Variants in KCMF1 observed in about 807,000 individuals in gnomAD.
KCMF1 encodes E3 ubiquitin-protein ligase KCMF1.
KCMF1 carries 3 observed loss-of-function variants against 41.1 expected under a neutral mutation model. The ratio of observed to expected loss-of-function variants is 0.07; its 90% confidence interval spans 0.03 to 0.19. The LOEUF (loss-of-function observed/expected upper bound fraction) is 0.19. Ranked by LOEUF, KCMF1 falls within the 10% of genes least tolerant of loss-of-function variation. The pLI is 1.00. For missense variants in KCMF1, 286 were observed against 488.9 expected (o/e 0.58, Z 3.91); for synonymous variants, 142 against 164.5 (o/e 0.86, Z 1.04).
chr2:85,003,717 G>A (rs923839407), intron 1 of KCMF1, among the ~76,000 whole-genome samples: 1 of 151,980 alleles, frequency 6.6e-6, no homozygotes, highest in Admixed American at 6.6e-5. Flanking sequence ...GATTACAGGC[G>A]TGAGCTACCA....
rs140279661 is a variant in KCMF1, at chr2:85,025,181, G to A, written c.17-2708G>A. Among the ~76,000 whole-genome samples, 380 of 152,116 alleles carry A rather than the reference G, an allele frequency of 2.5e-3. 3 individuals are homozygous for A. Among genetic ancestry groups the A allele is most frequent in the African/African-American group, 8.9e-3 (369 of 41,500 alleles). On this transcript the variant is annotated intron_variant, in intron 1 of 6. Coordinates refer to ENST00000409785, the MANE Select transcript of KCMF1 (RefSeq NM_020122.5). ...ATTGTATTGAATCCACAAATCTGTTGACATTTTATTATGAACCTTCCAGTC... is the reference window on the plus strand; with the variant it reads ...ATTGTATTGAATCCACAAATCTGTTAACATTTTATTATGAACCTTCCAGTC...
intron 1 of KCMF1, among the ~76,000 whole-genome samples, chr2:84,974,321 T>C (rs975465181): frequency 1.3e-5 from 2 of 152,136 alleles, no homozygotes; most frequent in East Asian, 3.9e-4. Context: ...GCAGGTAATA[T>C]GTTACTTTGT....
Position 85,053,663 on chromosome 2 carries a change from T to C in KCMF1, c.*254T>C. The C allele has an allele frequency of 2.6e-6, 1 of 382,584 alleles. No homozygotes were observed. The highest frequency in any genetic ancestry group is 4.7e-6 in the Non-Finnish European group (1 of 212,802). 23.7% of individuals were successfully genotyped at this position (382,584 alleles called of 1,614,324 possible). ...CTGTACCTTGACATGCAAAAGGCTCTCCTAATACTCCACATTCAAACTGAA... is the reference window on the plus strand; with the variant it reads ...CTGTACCTTGACATGCAAAAGGCTCCCCTAATACTCCACATTCAAACTGAA... On this transcript the variant is annotated 3_prime_UTR_variant, in exon 7 of 7. Coordinates refer to ENST00000409785, the MANE Select transcript of KCMF1 (RefSeq NM_020122.5).
chr2:85,005,848 A>T (rs1180908513), intron 1 of KCMF1, among the ~76,000 whole-genome samples: 1 of 152,136 alleles, frequency 6.6e-6, no homozygotes, highest in Non-Finnish European at 1.5e-5. Flanking sequence ...GTGTGTAATG[A>T]CCAGATCTGG....
chr2:85,015,064 A>G (rs998189392), intron 1 of KCMF1, among the ~76,000 whole-genome samples: 2 of 151,058 alleles, frequency 1.3e-5, no homozygotes, highest in Admixed American at 1.3e-4. Flanking sequence ...TCTTCTGTCA[A>G]GAAGTCTTAT....
chr2:85,045,945 G>A (rs1377949745), intron 4 of KCMF1, among the ~76,000 whole-genome samples, 159 bp from the exon 5 acceptor site: 3 of 152,058 alleles, frequency 2.0e-5, no homozygotes, highest in African/African-American at 7.3e-5. Flanking sequence ...AGGGTTAATA[G>A]CCCTCATAGA....
At chr2:85,045,677 AATCT>A (rs1675647509) in intron 4 of KCMF1, among the ~76,000 whole-genome samples, 1 of 152,182 alleles carries the variant, frequency 6.6e-6, no homozygotes, top group African/African-American at 2.4e-5. Flanking sequence ...ATGTCATGTT[AATCT>A]ATCTGTGTGT....
intron 1 of KCMF1, among the ~76,000 whole-genome samples, chr2:84,995,037 T>G (rs1559128599): frequency 6.6e-6 from 1 of 152,082 alleles, no homozygotes; most frequent in Admixed American, 6.6e-5. Flanking sequence ...ATTTTTTTTT[T>G]TTGAGATGGA....
chr2:85,029,327 A>G lies in KCMF1; in HGVS notation c.184+1271A>G, dbSNP rs575256777. ...CTGGTTATGGTGGCTAACGCCTGTA[A>G]TCCCAGCCCTTTGGGAGGCTTAAGA... On this transcript the variant is annotated intron_variant, in intron 2 of 6. Coordinates refer to ENST00000409785, the MANE Select transcript of KCMF1 (RefSeq NM_020122.5). Among the ~76,000 whole-genome samples, 5 of 152,146 alleles carry G rather than the reference A, an allele frequency of 3.3e-5. No homozygotes were observed. In the South Asian group the frequency reaches 1.0e-3, roughly 32 times the overall value.
intron 1 of KCMF1, among the ~76,000 whole-genome samples, chr2:85,008,318 TATCA>T (rs1674541406): frequency 4.4e-5 from 3 of 67,862 alleles, no homozygotes; most frequent in Admixed American, 2.7e-4. Context: ...ATGATATATA[TATCA>T]TATATAATAT....
In KCMF1 at chr2:85,007,363, C is replaced by T. The variant is rs575691050; in HGVS notation, c.17-20526C>T. 7.9e-5 allele frequency among the ~76,000 whole-genome samples: 12 copies of T among 152,320 alleles called. No individual in the cohort carries two copies. In the South Asian group the frequency reaches 1.2e-3, roughly 16 times the overall value. ...GAACAGAGTCTGCCTTCGGCTTCCC[C>T]GAGTTTCCAAGAGTCTGGAGAAATC... is the stretch of plus-strand genomic sequence containing the variant. On this transcript the variant is annotated intron_variant, in intron 1 of 6. Transcript: ENST00000409785.
chr2:84,997,058 A>G (rs1439561028), intron 1 of KCMF1, among the ~76,000 whole-genome samples: 1 of 152,224 alleles, frequency 6.6e-6, no homozygotes, highest in Non-Finnish European at 1.5e-5. Flanking sequence ...AAAAGATACA[A>G]TAAAAATGTA....
At position 85,000,930 on chromosome 2, in the gene KCMF1, C is replaced by A. The variant is rs116100572; in HGVS notation, c.17-26959C>A. ...AGTAGGTAGGGCTACAGATAAGTGC[C>A]GCCATGCCCAGCTAAAGTTTTGGGT... is the stretch of plus-strand genomic sequence containing the variant. On this transcript the variant is annotated intron_variant, in intron 1 of 6. Coordinates refer to ENST00000409785, the MANE Select transcript of KCMF1 (RefSeq NM_020122.5). Among the ~76,000 whole-genome samples, 1,410 of 150,796 alleles carry A rather than the reference C, an allele frequency of 9.4e-3. 17 individuals carry two copies. Among genetic ancestry groups the A allele is most frequent in the African/African-American group, 0.032 (1,323 of 41,174 alleles).
intron 1 of KCMF1, among the ~76,000 whole-genome samples, chr2:84,974,689 ATATTTTTTTTTTTTTTTTT>A (rs1176282604): frequency 3.5e-5 from 1 of 28,300 alleles, no homozygotes; most frequent in African/African-American, 1.7e-4. Context: ...ATATATATAT[ATATTTTTTTTTTTTTTTTT>A]TTTTTTTTTT....
intron 1 of KCMF1, chr2:84,971,850 C>G (rs1214359800): frequency 6.6e-6 from 1 of 152,176 alleles, no homozygotes; most frequent in Non-Finnish European, 1.5e-5. Flanking sequence ...CTAGCGCTCC[C>G]GCCGCCCCGG....
chr2:84,982,006 C>T (rs1011316072), intron 1 of KCMF1, among the ~76,000 whole-genome samples: 1 of 152,034 alleles, frequency 6.6e-6, no homozygotes, highest in African/African-American at 2.4e-5. Flanking sequence ...TGGTCTCGAA[C>T]CTCTGACCTC....
chr2:85,009,100 G>C (rs1470575454), intron 1 of KCMF1, among the ~76,000 whole-genome samples: 1 of 152,060 alleles, frequency 6.6e-6, no homozygotes, highest in Non-Finnish European at 1.5e-5. Context: ...ATCTCAAATT[G>C]TAATCCTCAT....
intron 1 of KCMF1, among the ~76,000 whole-genome samples, chr2:85,023,215 T>C (rs1052174364): frequency 6.6e-6 from 1 of 151,630 alleles, no homozygotes; most frequent in African/African-American, 2.4e-5. Context: ...TGAAATTTCC[T>C]TTCACTCATC....
intron 4 of KCMF1, 71 bp from the exon 5 acceptor site, chr2:85,046,033 C>G (rs1675658801): frequency 8.0e-7 from 1 of 1,249,446 alleles, no homozygotes; most frequent in African/African-American, 1.5e-5. Context: ...TTACATCTGT[C>G]TAGCAAGGAC....
Sources: allele counts gnomAD v4.1 joint callset (sites outside exome capture counted in the v4.1 genomes callset), GRCh38; gene constraint gnomAD v4.1.1; transcripts MANE v1.5; gene names NCBI Gene and HGNC (gene_info 2026-07-23, HGNC 2026-07-21).